CELF2: variants seen among roughly 807,000 people sequenced by gnomAD.
CELF2 encodes the protein CUGBP Elav-like family member 2.
In CELF2, 8 loss-of-function variants were observed where a neutral mutation model predicts 62.6. The ratio of observed to expected loss-of-function variants is 0.13; its 90% CI spans 0.07 to 0.23. CELF2 has a LOEUF of 0.23. Among genes scored for constraint, CELF2 ranks in the 10% least tolerant of loss-of-function variants. CELF2 has a pLI of 1.00. For missense variants in CELF2, 333 were observed against 671.0 expected (o/e 0.50, Z 5.56); for synonymous variants, 258 against 250.0 (o/e 1.03, Z -0.30).
At chr10:10,740,460 A>C in the CELF2 span, among the ~76,000 whole-genome samples, 1 of 152,126 alleles carries the variant, frequency 6.6e-6, no homozygotes, top group Non-Finnish European at 1.5e-5. Context: ...AGTTGGTAGG[A>C]GTGTAAATTG....
chr10:11,238,599 A>G (rs536720391), intron 3 of CELF2, among the ~76,000 whole-genome samples: 4 of 152,386 alleles, frequency 2.6e-5, no homozygotes, highest in African/African-American at 9.6e-5. Flanking sequence ...TTTCCTGTTC[A>G]CAATAACATT....
In CELF2 at chr10:11,062,001, G is replaced by T. The variant is rs193107864; in HGVS notation, c.74+43838G>T. 2.6e-5 allele frequency among the ~76,000 whole-genome samples: 4 copies of T among 152,224 alleles called. No homozygotes were observed. In the South Asian group the frequency reaches 6.2e-4, roughly 24 times the overall value. On this transcript the variant is annotated intron_variant, in intron 1 of 12. Transcript: ENST00000633077. Reference sequence around the variant, plus strand: ...GTAATTTTGTATTTTTAGTAGCGACGGGGTTTCACCATGTTGGCCAGGCTG... The same window carrying T: ...GTAATTTTGTATTTTTAGTAGCGACTGGGTTTCACCATGTTGGCCAGGCTG...
Position 10,962,150 on chromosome 10 carries a change from G to A in CELF2, c.89+42151G>A, listed in dbSNP as rs1461521045. On this transcript the variant is annotated intron_variant, in intron 2 of 13. Coordinates refer to the CELF2 transcript ENST00000636488. ...AAGAGGGAGAGGGAGAGGGTGAGGAGGAAGACGAGAAAAGAAAAGAAAAAA... is the reference window on the plus strand; with the variant it reads ...AAGAGGGAGAGGGAGAGGGTGAGGAAGAAGACGAGAAAAGAAAAGAAAAAA... Among the ~76,000 whole-genome samples the A allele has an allele frequency of 2.0e-5, 3 of 152,056 alleles. No individual in the cohort carries two copies. In the East Asian group the frequency reaches 5.8e-4, roughly 29 times the overall value.
At chr10:11,313,080 A>G (rs745937568) in intron 9 of CELF2, among the ~76,000 whole-genome samples, 20 of 152,328 alleles carry the variant, frequency 1.3e-4, no homozygotes, top group Middle Eastern at 3.4e-3. Context: ...CAAAATACAA[A>G]CAGATAAGTA....
At chr10:10,982,730 G>T (rs1429207655) in intron 2 of CELF2, among the ~76,000 whole-genome samples, 1 of 152,050 alleles carries the variant, frequency 6.6e-6, no homozygotes, top group Non-Finnish European at 1.5e-5. Flanking sequence ...TATTCATTTG[G>T]GCAACATGAG....
intron 2 of CELF2, among the ~76,000 whole-genome samples, chr10:11,208,195 G>A (rs1390343434): frequency 1.3e-5 from 2 of 152,044 alleles, no homozygotes; most frequent in Non-Finnish European, 2.9e-5. Context: ...AGGGTGTGGG[G>A]AGTTAGGCTG....
chr10:10,765,311 C>T, the CELF2 span, among the ~76,000 whole-genome samples: 279 of 152,260 alleles, frequency 1.8e-3, 2 homozygotes, highest in South Asian at 0.013. Flanking sequence ...GCGCAGGGCA[C>T]GAGGTGAGAG....
chr10:11,279,657 T>G (rs2087545670), intron 8 of CELF2, among the ~76,000 whole-genome samples: 3 of 152,228 alleles, frequency 2.0e-5, no homozygotes, highest in Admixed American at 6.5e-5. Flanking sequence ...ATATGCAGAT[T>G]TATGGTAATT....
At chr10:10,758,314 C>A in the CELF2 span, among the ~76,000 whole-genome samples, 1 of 152,144 alleles carries the variant, frequency 6.6e-6, no homozygotes, top group South Asian at 2.1e-4. Context: ...CTTCAATGCA[C>A]CTTGGGCTCT....
At position 11,228,272 on chromosome 10, in the gene CELF2, T is replaced by C. The variant is rs1240201593; in HGVS notation, c.354+10765T>C. 2.0e-5 allele frequency among the ~76,000 whole-genome samples: 3 copies of C among 152,206 alleles called. No individual in the cohort carries two copies. The East Asian group carries it at 5.8e-4, about 29-fold the overall frequency. On this transcript the variant is annotated intron_variant, in intron 3 of 12. Coordinates refer to ENST00000633077, the MANE Select transcript of CELF2 (RefSeq NM_001326342.2). ...AAGTAGTGGTAACAGTTAACAGCTA[T>C]TGAGTGTTTACTATGTCCTCAGAAC...
the CELF2 span, among the ~76,000 whole-genome samples, chr10:10,554,361 TTTGG>T: frequency 6.6e-6 from 1 of 152,158 alleles, no homozygotes; most frequent in East Asian, 1.9e-4. Context: ...TTGGTGGGTC[TTTGG>T]CGTGTTTGCA....
intron 1 of CELF2, among the ~76,000 whole-genome samples, chr10:10,816,556 A>G (rs756538853): frequency 6.6e-6 from 1 of 152,224 alleles, no homozygotes; most frequent in Non-Finnish European, 1.5e-5. Context: ...TAGAGCTGTA[A>G]GAAGAAAGAG....
chr10:10,578,439 G>T, the CELF2 span, among the ~76,000 whole-genome samples: 1 of 152,116 alleles, frequency 6.6e-6, no homozygotes, highest in Non-Finnish European at 1.5e-5. Context: ...CCTTGCCCAT[G>T]CCTATGTCCT....
the CELF2 span, among the ~76,000 whole-genome samples, chr10:10,484,343 G>A: frequency 6.2e-5 from 4 of 64,406 alleles, no homozygotes; most frequent in Admixed American, 2.2e-4. Context: ...TCTCACTCTC[G>A]TCTCACTCTG....
At chr10:10,996,773 T>C (rs534213119) in intron 2 of CELF2, among the ~76,000 whole-genome samples, 2 of 152,332 alleles carry the variant, frequency 1.3e-5, no homozygotes, top group East Asian at 3.9e-4. Context: ...CCATTTTTTT[T>C]TGTTGCCCTC....
intron 2 of CELF2, among the ~76,000 whole-genome samples, chr10:10,949,504 C>T (rs1053166062): frequency 6.6e-6 from 1 of 151,952 alleles, no homozygotes; most frequent in African/African-American, 2.4e-5. Context: ...AAAAACCTCA[C>T]CCAGAGGCCA....
chr10:10,590,645 C>A, the CELF2 span, among the ~76,000 whole-genome samples: 2 of 152,198 alleles, frequency 1.3e-5, no homozygotes, highest in African/African-American at 4.8e-5. Flanking sequence ...CCTTGGCAGC[C>A]CAACAGGTCT....
chr10:10,991,232 A>G (rs2053403387), intron 2 of CELF2, among the ~76,000 whole-genome samples: 1 of 152,160 alleles, frequency 6.6e-6, no homozygotes, highest in East Asian at 1.9e-4. Context: ...ATGTGTGCAC[A>G]TGTGTATATG....
chr10:10,939,106 C>CA (rs2046737830), intron 2 of CELF2, among the ~76,000 whole-genome samples: 1 of 146,102 alleles, frequency 6.8e-6, no homozygotes, highest in Non-Finnish European at 1.5e-5. Flanking sequence ...GTAACCCCAT[C>CA]ACCTAGGCTG....
Sources: gnomAD v4.1 joint callset for allele counts (sites outside exome capture counted in the v4.1 genomes callset) on GRCh38, gnomAD v4.1.1 for gene constraint, MANE v1.5 for transcripts, NCBI Gene and HGNC (gene_info 2026-07-23, HGNC 2026-07-21) for gene names.